The following LGALS8 variants were observed in gnomAD, a reference collection of about 807,000 sequenced individuals.
LGALS8 encodes galectin-8.
LGALS8 carries 30 observed loss-of-function variants against 35.9 expected under a neutral mutation model. The ratio of observed to expected loss-of-function variants is 0.83; its 90% CI spans 0.62 to 1.13. LGALS8 has a LOEUF of 1.13. LGALS8 is among the 50% of genes most tolerant of loss of function. LGALS8 has a pLI of 0.00. For synonymous variants in LGALS8, 138 were observed against 136.1 expected (o/e 1.01, Z -0.10); for missense variants, 366 against 388.7 (o/e 0.94, Z 0.49).
Position 236,548,186 on chromosome 1 carries a change from A to C in LGALS8, c.*25A>C, listed in dbSNP as rs985269403. Reference sequence around the variant, plus strand: ...GCCTACCTACACAGCTGCTACAAAAACCAAAATACAGAATGGCTTCTGTGA... The same window carrying C: ...GCCTACCTACACAGCTGCTACAAAACCCAAAATACAGAATGGCTTCTGTGA... On this transcript the variant is annotated 3_prime_UTR_variant, in exon 10 of 10. Coordinates refer to ENST00000366584, the MANE Select transcript of LGALS8 (RefSeq NM_201544.4). 24 of 1,601,110 alleles carry C rather than the reference A, an allele frequency of 1.5e-5. No homozygotes were observed. The East Asian group carries it at 4.1e-4, about 27-fold the overall frequency.
chr1:236,524,634 G>C (rs1374471835), intron 1 of LGALS8: 5 of 354,126 alleles, frequency 1.4e-5, no homozygotes, highest in Non-Finnish European at 1.7e-5. Context: ...TGATGCATAC[G>C]AAGTGTTCAT....
chr1:236,533,960 A>ATAGCTGCCCCTGACCCCGGATG (rs1661306205), intron 2 of LGALS8, among the ~76,000 whole-genome samples: 1 of 43,692 alleles, frequency 2.3e-5, no homozygotes, highest in African/African-American at 5.4e-5. Context: ...GACCCTCGAT[A>ATAGCTGCCCCTGACCCCGGATG]TAGCTGCCCC....
chr1:236,537,692 A>T lies in LGALS8; in HGVS notation c.134+107A>T. ...AGACCATTTGATACTTTGAGGCCCA[A>T]TTAGCTTTCATCAGCAGCCCTGGCC... On this transcript the variant is annotated intron_variant, in intron 3 of 9. Coordinates refer to ENST00000366584, the MANE Select transcript of LGALS8 (RefSeq NM_201544.4). 3.8e-6 allele frequency: 3 copies of T among 791,150 alleles called. No homozygotes were observed. In the South Asian group the frequency reaches 4.3e-5, roughly 11 times the overall value. 49.0% of individuals were successfully genotyped at this position (791,150 alleles called of 1,614,324 possible).
Position 236,548,312 on chromosome 1 carries a change from C to A in LGALS8, c.*151C>A. Reference sequence around the variant, plus strand: ...TCCTGCTGGGTGTTCTCAGTCCTTGCCATGAAGTATGGTGGTGTCTAGCAC... The same window carrying A: ...TCCTGCTGGGTGTTCTCAGTCCTTGACATGAAGTATGGTGGTGTCTAGCAC... On this transcript the variant is annotated 3_prime_UTR_variant, in exon 10 of 10. Coordinates refer to ENST00000366584, the MANE Select transcript of LGALS8 (RefSeq NM_201544.4). The A allele has an allele frequency of 1.4e-6, 1 of 728,080 alleles. No individual in the cohort carries two copies. Among genetic ancestry groups the A allele is most frequent in the Non-Finnish European group, 2.2e-6 (1 of 445,818 alleles). The allele number at this position is 728,080 out of a possible 1,614,324, so 45.1% of individuals were successfully genotyped here. A position where few individuals can be genotyped will look rare whatever the true frequency, so the allele number is the denominator to read the frequency against.
rs1662576136 is a variant in LGALS8 at position 236,548,866 on chromosome 1, A to C, written c.*705A>C. ...CTGAGCACAGAAATTAAGGCAAAAA[A>C]CCAAAGCAAAACAAATACATGGTGC... On this transcript the variant is annotated 3_prime_UTR_variant, in exon 10 of 10. Coordinates refer to ENST00000366584, the MANE Select transcript of LGALS8 (RefSeq NM_201544.4). 1 of 398,376 alleles carries C rather than the reference A, an allele frequency of 2.5e-6. No individual in the cohort carries two copies. Among genetic ancestry groups the C allele is most frequent in the South Asian group, 1.3e-4 (1 of 7,848 alleles). The allele number at this position is 398,376 out of a possible 1,614,324, so 24.7% of individuals were successfully genotyped here.
rs943193393 is a variant in LGALS8, at chr1:236,550,855, A to T, written c.*2694A>T. ...CCAACACCCAAAAATAAAAATATGAAATATGAGTGTGAACTCTGAGTAGAG... is the reference window on the plus strand; with the variant it reads ...CCAACACCCAAAAATAAAAATATGATATATGAGTGTGAACTCTGAGTAGAG... On this transcript the variant is annotated 3_prime_UTR_variant, in exon 10 of 10. Transcript: ENST00000366584. 4.9e-6 allele frequency: 7 copies of T among 1,418,784 alleles called. No individual in the cohort carries two copies. In the African/African-American group the frequency reaches 7.2e-5, roughly 15 times the overall value. The allele number at this position is 1,418,784 out of a possible 1,614,324, so 87.9% of individuals were successfully genotyped here.
chr1:236,520,358 C>T (rs1278108672), upstream of LGALS8, among the ~76,000 whole-genome samples: 1 of 144,592 alleles, frequency 6.9e-6, no homozygotes, highest in African/African-American at 2.5e-5. Context: ...CTAAAAGTCA[C>T]CAATGTAGTA....
In LGALS8 at chr1:236,538,093, A is replaced by G. The variant is rs199523738; in HGVS notation, c.134+508A>G. The stretch of plus-strand genomic sequence containing the variant: ...GCACTATAGCCTGGGTGACAAAAAA[A>G]AAAAAGAAAAAGAAAAAGAATTAGG... On this transcript the variant is annotated intron_variant, in intron 3 of 9. Transcript: ENST00000366584. Among the ~76,000 whole-genome samples, 25 of 139,158 alleles carry G rather than the reference A, an allele frequency of 1.8e-4. 3 individuals carry two copies. The highest frequency in any genetic ancestry group is 4.5e-4 in the South Asian group (2 of 4,490). 91.3% of individuals were successfully genotyped at this position (139,158 alleles called of 152,430 possible).
At chr1:236,541,296 A>G (rs893337317) in intron 5 of LGALS8, 12 of 190,662 alleles carry the variant, frequency 6.3e-5, no homozygotes, top group Admixed American at 1.9e-4. Context: ...TGTTTGCACG[A>G]TGACAAAAGT....
intron 2 of LGALS8, among the ~76,000 whole-genome samples, chr1:236,533,098 C>T (rs1318115191): frequency 6.6e-6 from 1 of 152,174 alleles, no homozygotes; most frequent in Non-Finnish European, 1.5e-5. Flanking sequence ...ACACTTCTTT[C>T]GTATGTCACT....
At chr1:236,539,929 C>T (rs1489046787) in intron 4 of LGALS8, among the ~76,000 whole-genome samples, 4 of 151,840 alleles carry the variant, frequency 2.6e-5, no homozygotes, top group East Asian at 1.9e-4. Context: ...ATGCTGCTCG[C>T]GTTTTCTGCC....
Position 236,548,206 on chromosome 1 carries a change from C to A in LGALS8, c.*45C>A. The A allele has an allele frequency of 1.3e-6, 2 of 1,556,880 alleles. No individual in the cohort carries two copies. Among genetic ancestry groups the A allele is most frequent in the South Asian group, 1.2e-5 (1 of 86,186 alleles). On this transcript the variant is annotated 3_prime_UTR_variant, in exon 10 of 10. Coordinates refer to ENST00000366584, the MANE Select transcript of LGALS8 (RefSeq NM_201544.4). ...CAAAAACCAAAATACAGAATGGCTT[C>A]TGTGATACTGGCCTTGCTGAAACGC...
chr1:236,523,646 T>G (rs573693177), upstream of LGALS8: 2 of 169,728 alleles, frequency 1.2e-5, no homozygotes, highest in African/African-American at 2.4e-5. Context: ...CCCACCTTTC[T>G]TTTCTTTCCT....
At chr1:236,524,405 C>T in intron 1 of LGALS8, 1 of 455,800 alleles carries the variant, frequency 2.2e-6, no homozygotes, top group Non-Finnish European at 4.4e-6. Context: ...CTCACCTGTT[C>T]CCTCCTAGCC....
intron 8 of LGALS8, among the ~76,000 whole-genome samples, chr1:236,544,036 C>T (rs1207385020): frequency 6.6e-6 from 1 of 152,012 alleles, no homozygotes; most frequent in African/African-American, 2.4e-5. Flanking sequence ...CCTCCGCTTC[C>T]TGGGTGTTCA....
chr1:236,546,919 A>T (rs933971883), intron 9 of LGALS8, among the ~76,000 whole-genome samples: 12 of 129,602 alleles, frequency 9.3e-5, no homozygotes, highest in African/African-American at 3.3e-4. Flanking sequence ...TAGCCACAGA[A>T]GCTTCATCTT....
At position 236,539,060 on chromosome 1, in the gene LGALS8, G is replaced by T. The variant is rs148854312; in HGVS notation, c.316G>T (p.Val106Leu). The T allele has an allele frequency of 5.8e-4, 938 of 1,614,050 alleles. 1 individual carries two copies. The highest frequency in any genetic ancestry group is 7.2e-4 in the Non-Finnish European group (847 of 1,180,002). The change falls in exon 4 of 10, where the codon GTG (valine) becomes TTG (leucine). Residue 106 changes from valine (V) to leucine (L), a missense_variant. Coordinates refer to ENST00000366584, the MANE Select transcript of LGALS8 (RefSeq NM_201544.4). ...PFKREKSFEI[V>L]IMVLKDKFQV... Reference sequence around the variant, plus strand: ...CAAAAGAGAAAAGTCTTTTGAGATCGTGATTATGGTGCTGAAGGACAAATT... The same window carrying T: ...CAAAAGAGAAAAGTCTTTTGAGATCTTGATTATGGTGCTGAAGGACAAATT...
intron 7 of LGALS8, chr1:236,543,004 T>C (rs1000078302): frequency 1.9e-6 from 3 of 1,614,076 alleles, no homozygotes; most frequent in Non-Finnish European, 2.5e-6. Flanking sequence ...ACACTTTGAC[T>C]TGCACCAAAA....
chr1:236,548,245 T>A lies in LGALS8; in HGVS notation c.*84T>A, dbSNP rs1035809920. ...TTGCTGAAACGCATCTCACTGTCAT[T>A]CTATTGTTTATATTGTTAAAATGAG... On this transcript the variant is annotated 3_prime_UTR_variant, in exon 10 of 10. Transcript: ENST00000366584. 27 of 1,223,830 alleles carry A rather than the reference T, an allele frequency of 2.2e-5. No individual in the cohort carries two copies. The Admixed American group carries it at 5.8e-4, about 26-fold the overall frequency. 75.8% of individuals were successfully genotyped at this position (1,223,830 alleles called of 1,614,324 possible).
Sources: gnomAD v4.1 joint callset for allele counts (sites outside exome capture counted in the v4.1 genomes callset) on GRCh38, gnomAD v4.1.1 for gene constraint, MANE v1.5 for transcripts, NCBI Gene and HGNC (gene_info 2026-07-23, HGNC 2026-07-21) for gene names.